The following FBXL2 variants were observed in gnomAD, a reference collection of about 807,000 sequenced individuals.
The protein encoded by FBXL2 is F-box and leucine rich repeat protein 2, also known as F-box/LRR-repeat protein 2.
Under a neutral mutation model 69.2 loss-of-function variants are expected in FBXL2, and 38 were observed. That is an observed-to-expected ratio of 0.55 (90% CI 0.42 to 0.72). FBXL2 has a LOEUF of 0.72. Ranked by LOEUF, FBXL2 falls within the 30% of genes least tolerant of loss-of-function variation. The pLI, the probability that FBXL2 is intolerant of heterozygous loss-of-function variation, is 0.00. For synonymous variants in FBXL2, 192 were observed against 201.3 expected, an observed-to-expected ratio of 0.95 and a Z score of 0.39; for missense variants, 354 against 520.3, an observed-to-expected ratio of 0.68 and a Z score of 3.11.
In FBXL2 at chr3:33,282,242, T is replaced by C. The variant is rs1575580643; in HGVS notation, c.3+4727T>C. On this transcript the variant is annotated intron_variant, in intron 1 of 14. Coordinates refer to ENST00000484457, the MANE Select transcript of FBXL2 (RefSeq NM_012157.5). ...TTTTGTATAAGGTATAAGGAAGGGA[T>C]CCAGTTTCAGCTTTCTATATATGGC... Among the ~76,000 whole-genome samples the C allele has an allele frequency of 2.0e-5, 3 of 152,204 alleles. No individual in the cohort carries two copies. The East Asian group carries it at 5.8e-4, about 29-fold the overall frequency.
intron 13 of FBXL2, among the ~76,000 whole-genome samples, chr3:33,380,903 G>T (rs2154051322): frequency 6.6e-6 from 1 of 152,234 alleles, no homozygotes; most frequent in South Asian, 2.1e-4. Context: ...ACCTGAGCTG[G>T]GTATAATTGG....
chr3:33,378,195 T>C (rs1169954019), intron 12 of FBXL2, 48 bp downstream of exon 12: 4 of 1,577,804 alleles, frequency 2.5e-6, no homozygotes, highest in Admixed American at 1.7e-5. Context: ...TCCTTAGTCA[T>C]TGCTGGCCAG....
At chr3:33,388,657 C>G (rs1228509076), downstream of FBXL2, 1 of 152,116 alleles carries the variant, frequency 6.6e-6, no homozygotes, top group Non-Finnish European at 1.5e-5. Context: ...TCACTTCTTT[C>G]CCCAGTGACT....
chr3:33,420,268 G>A, the FBXL2 span, among the ~76,000 whole-genome samples: 5 of 152,142 alleles, frequency 3.3e-5, no homozygotes, highest in Admixed American at 6.5e-5. Context: ...AATATTTAAC[G>A]GAATTCTTAA....
At chr3:33,309,987 C>T (rs940472177) in intron 2 of FBXL2, among the ~76,000 whole-genome samples, 2 of 151,916 alleles carry the variant, frequency 1.3e-5, no homozygotes, top group African/African-American at 4.8e-5. Context: ...ATAACAAGAC[C>T]TTTTCTCTAC....
intron 1 of FBXL2, among the ~76,000 whole-genome samples, chr3:33,290,423 G>T (rs971658162): frequency 6.6e-6 from 1 of 152,168 alleles, no homozygotes; most frequent in Non-Finnish European, 1.5e-5. Context: ...ACAAGAAAAT[G>T]TGATCCATGG....
intron 5 of FBXL2, 100 bp downstream of exon 5, chr3:33,364,819 T>G: frequency 9.3e-7 from 1 of 1,081,058 alleles, no homozygotes; most frequent in Non-Finnish European, 1.4e-6. Flanking sequence ...GTTAAAATTC[T>G]TTCTGTGGTA....
chr3:33,326,043 T>C (rs2038664132), intron 2 of FBXL2, among the ~76,000 whole-genome samples: 1 of 152,178 alleles, frequency 6.6e-6, no homozygotes, highest in Admixed American at 6.6e-5. Flanking sequence ...TAGATTCCTT[T>C]TAAATTCAAA....
chr3:33,422,428 A>G, the FBXL2 span, among the ~76,000 whole-genome samples: 2 of 151,942 alleles, frequency 1.3e-5, no homozygotes, highest in Non-Finnish European at 2.9e-5. Flanking sequence ...AGGAAAGAAG[A>G]AAAAAAGGCC....
intron 2 of FBXL2, among the ~76,000 whole-genome samples, chr3:33,302,280 C>T (rs1297855281): frequency 6.6e-6 from 1 of 152,174 alleles, no homozygotes; most frequent in Non-Finnish European, 1.5e-5. Flanking sequence ...TTGCATACTA[C>T]TATCTTATAT....
intron 2 of FBXL2, among the ~76,000 whole-genome samples, chr3:33,334,340 A>G (rs1168182994): frequency 6.6e-6 from 1 of 152,208 alleles, no homozygotes; most frequent in Non-Finnish European, 1.5e-5. Context: ...AGATATTTCA[A>G]GGGATTCATG....
rs1347330753 is a variant in FBXL2 at position 33,385,335 on chromosome 3, G to A, written c.1165-166G>A. Among the ~76,000 whole-genome samples the A allele has an allele frequency of 2.6e-5, 4 of 152,164 alleles. No homozygotes were observed. The South Asian group carries it at 6.2e-4, about 24-fold the overall frequency. On this transcript the variant is annotated intron_variant, in intron 14 of 14. Transcript: ENST00000484457. ...TATCCTTAGAAGGTACTAATGGGGG[G>A]CAGACGGTGCGGGGAGTAACAGGAG...
chr3:33,339,497 A>G (rs897192696), intron 2 of FBXL2, among the ~76,000 whole-genome samples: 1 of 152,222 alleles, frequency 6.6e-6, no homozygotes. Flanking sequence ...AGAACTAAAC[A>G]TTGAGCATAT....
chr3:33,296,267 T>C (rs752371634), intron 1 of FBXL2, among the ~76,000 whole-genome samples: 2 of 152,176 alleles, frequency 1.3e-5, no homozygotes, highest in African/African-American at 4.8e-5. Context: ...GGTTTCACCA[T>C]GTTGGCCAGG....
At chr3:33,281,507 G>A (rs548789907) in intron 1 of FBXL2, among the ~76,000 whole-genome samples, 43 of 152,242 alleles carry the variant, frequency 2.8e-4, no homozygotes, top group African/African-American at 1.0e-3. Context: ...GTAAACATAC[G>A]TGTGCATGTG....
At chr3:33,416,618 C>T in the FBXL2 span, 3 of 606,040 alleles carry the variant, frequency 5.0e-6, no homozygotes, top group South Asian at 2.8e-5. Flanking sequence ...TCCCATTTTA[C>T]AGGTGAATAA....
the FBXL2 span, chr3:33,411,606 G>C: frequency 5.1e-5 from 83 of 1,614,008 alleles, no homozygotes; most frequent in African/African-American, 4.0e-5. Flanking sequence ...GGTGCGTTTT[G>C]CTGGGTCCCA....
intron 2 of FBXL2, among the ~76,000 whole-genome samples, chr3:33,344,454 T>G (rs888003978): frequency 7.9e-5 from 12 of 152,112 alleles, no homozygotes; most frequent in African/African-American, 2.7e-4. Flanking sequence ...TGATGCTATA[T>G]TGGAACAATA....
chr3:33,278,405 G>A (rs1347468331), intron 1 of FBXL2: 1 of 152,214 alleles, frequency 6.6e-6, no homozygotes, highest in African/African-American at 2.4e-5. Context: ...TATGGCGGTA[G>A]GTGTAGGTAA....
Sources: gnomAD v4.1 joint callset for allele counts (sites outside exome capture counted in the v4.1 genomes callset) on GRCh38, gnomAD v4.1.1 for gene constraint, MANE v1.5 for transcripts, NCBI Gene and HGNC (gene_info 2026-07-23, HGNC 2026-07-21) for gene names.